Variants in TDP1 observed in about 807,000 individuals in gnomAD.
TDP1 encodes tyrosyl-DNA phosphodiesterase 1.
TDP1 carries 64 observed loss-of-function variants against 81.5 expected under a neutral mutation model. That is an observed-to-expected ratio of 0.79 (90% CI 0.64 to 0.97). The LOEUF (loss-of-function observed/expected upper bound fraction) is 0.97. Ranked by LOEUF, TDP1 falls within the 50% of genes least tolerant of loss-of-function variation. The pLI, the probability that TDP1 is intolerant of heterozygous loss-of-function variation, is 0.00. For missense variants in TDP1, 723 were observed against 743.8 expected (o/e 0.97, Z 0.33); for synonymous variants, 256 against 264.3 (o/e 0.97, Z 0.30).
At chr14:90,023,687 C>T (rs1021372937) in intron 15 of TDP1, among the ~76,000 whole-genome samples, 2 of 152,136 alleles carry the variant, frequency 1.3e-5, no homozygotes, top group African/African-American at 4.8e-5. Context: ...TCTCTTGGCA[C>T]GTCTTTTCTT....
intron 12 of TDP1, among the ~76,000 whole-genome samples, chr14:89,990,036 A>G (rs571836076): frequency 2.3e-4 from 35 of 152,318 alleles, no homozygotes; most frequent in African/African-American, 8.4e-4. Context: ...AAGATAGCCA[A>G]ATAAAATCAG....
chr14:89,967,348 CTTCTT>C lies in TDP1; in HGVS notation c.604-14_604-10del. On this transcript the variant is annotated splice_polypyrimidine_tract_variant and intron_variant, in intron 4 of 16. Transcript: ENST00000335725. ...CAGAATTACCTATGGCTTAGTTACT[CTTCTT>C]TTCTCCCATCTAGTTTAACTACTGC... The C allele has an allele frequency of 6.2e-7, 1 of 1,613,128 alleles. No homozygotes were observed. The highest frequency in any genetic ancestry group is 8.5e-7 in the Non-Finnish European group (1 of 1,179,078).
intron 15 of TDP1, among the ~76,000 whole-genome samples, chr14:90,025,455 A>T (rs997132905): frequency 6.6e-6 from 1 of 152,134 alleles, no homozygotes; most frequent in African/African-American, 2.4e-5. Flanking sequence ...CCTAACTTGT[A>T]AAGTATGTTG....
intron 7 of TDP1, among the ~76,000 whole-genome samples, chr14:89,976,555 T>TTAA (rs1555385708): frequency 7.5e-6 from 1 of 132,816 alleles, no homozygotes; most frequent in Non-Finnish European, 1.6e-5. Context: ...TTTTTTTTTT[T>TTAA]AGACAGAGTC....
At chr14:89,989,243 C>T (rs905429921) in intron 11 of TDP1, 153 bp downstream of exon 11, 12 of 919,282 alleles carry the variant, frequency 1.3e-5, no homozygotes, top group African/African-American at 1.8e-5. Context: ...AAGAGCAGTA[C>T]ATTAGCATCG....
intron 10 of TDP1, among the ~76,000 whole-genome samples, chr14:89,985,853 C>T (rs1193743530): frequency 6.6e-6 from 1 of 152,058 alleles, no homozygotes; most frequent in Non-Finnish European, 1.5e-5. Flanking sequence ...GTGGTGAAAC[C>T]CTGTCTCTAC....
intron 14 of TDP1, among the ~76,000 whole-genome samples, chr14:90,004,813 A>G (rs1455997208): frequency 1.3e-5 from 2 of 152,312 alleles, no homozygotes; most frequent in Non-Finnish European, 1.5e-5. Context: ...TAGGTTGCCT[A>G]TAAGGTTGTG....
At chr14:90,024,844 C>G (rs1477993303) in intron 15 of TDP1, among the ~76,000 whole-genome samples, 2 of 152,150 alleles carry the variant, frequency 1.3e-5, no homozygotes, top group Non-Finnish European at 2.9e-5. Context: ...TTAGGTTTCC[C>G]TGTTCAGTAC....
chr14:90,040,316 C>G (rs1450402597), intron 16 of TDP1, among the ~76,000 whole-genome samples: 1 of 152,178 alleles, frequency 6.6e-6, no homozygotes, highest in Admixed American at 6.5e-5. Flanking sequence ...GCCTTGAATC[C>G]CAAACTCTGA....
intron 15 of TDP1, 161 bp from the exon 16 acceptor site, chr14:90,032,945 G>T (rs185046943): frequency 2.5e-5 from 18 of 733,162 alleles, no homozygotes; most frequent in Middle Eastern, 6.9e-4. Context: ...GGGCGGGGGG[G>T]TTGTAAATAT....
chr14:90,022,710 T>G (rs1204465573), intron 15 of TDP1: 8 of 982,108 alleles, frequency 8.1e-6, no homozygotes, highest in African/African-American at 3.5e-5. Context: ...TATCACAACA[T>G]CTATGTTGTC....
rs532090609 is a variant in TDP1, at chr14:89,999,888, T to C, written c.1541+6405T>C. Among the ~76,000 whole-genome samples, 20 of 152,374 alleles carry C rather than the reference T, an allele frequency of 1.3e-4. No homozygotes were observed. The East Asian group carries it at 3.9e-3, about 29-fold the overall frequency. Reference sequence around the variant, plus strand: ...GCCTTGCATTAGTTTTCTGTTGCTATGTAATATATGATCACAAACTATAAG... The same window carrying C: ...GCCTTGCATTAGTTTTCTGTTGCTACGTAATATATGATCACAAACTATAAG... On this transcript the variant is annotated intron_variant, in intron 14 of 16. Coordinates refer to ENST00000335725, the MANE Select transcript of TDP1 (RefSeq NM_018319.4).
At chr14:90,016,235 G>T (rs1885295544) in intron 14 of TDP1, among the ~76,000 whole-genome samples, 2 of 151,888 alleles carry the variant, frequency 1.3e-5, no homozygotes, top group African/African-American at 4.8e-5. Flanking sequence ...GTGGAGACAG[G>T]GTTTCTCCAT....
chr14:90,020,709 C>T (rs1885975060), intron 15 of TDP1, among the ~76,000 whole-genome samples: 1 of 139,620 alleles, frequency 7.2e-6, no homozygotes, highest in Non-Finnish European at 1.5e-5. Flanking sequence ...CATGACAAAG[C>T]TCCATTGTGG....
chr14:89,973,854 G>A (rs1225733808), intron 6 of TDP1, among the ~76,000 whole-genome samples: 1 of 152,158 alleles, frequency 6.6e-6, no homozygotes, highest in Non-Finnish European at 1.5e-5. Flanking sequence ...AGTCAGTTCA[G>A]TTCCAGGTGA....
At chr14:90,000,908 C>T (rs886662766) in intron 14 of TDP1, among the ~76,000 whole-genome samples, 6 of 152,164 alleles carry the variant, frequency 3.9e-5, no homozygotes, top group Non-Finnish European at 7.4e-5. Context: ...GGACCAACCC[C>T]GCAGCATGAC....
At chr14:90,032,620 G>T in intron 15 of TDP1, 1 of 439,364 alleles carries the variant, frequency 2.3e-6, no homozygotes. Flanking sequence ...ATTTTGATAG[G>T]TCTTAAAGAA....
chr14:89,975,645 C>G, intron 6 of TDP1, 136 bp from the exon 7 acceptor site: 1 of 693,106 alleles, frequency 1.4e-6, no homozygotes, highest in East Asian at 5.0e-5. Flanking sequence ...TCTTGTTATT[C>G]AAGGGCTTGC....
At chr14:90,018,053 C>T (rs540709000) in intron 14 of TDP1, among the ~76,000 whole-genome samples, 37 of 151,106 alleles carry the variant, frequency 2.4e-4, no homozygotes, top group South Asian at 1.7e-3. Context: ...TCTCTGTTCC[C>T]ATAGAACCCT....
Sources: allele counts gnomAD v4.1 joint callset (sites outside exome capture counted in the v4.1 genomes callset), GRCh38; gene constraint gnomAD v4.1.1; transcripts MANE v1.5; gene names NCBI Gene and HGNC (gene_info 2026-07-23, HGNC 2026-07-21).